Variants in BAALC observed in about 807,000 individuals in gnomAD.
The protein encoded by BAALC is BAALC binder of MAP3K1 and KLF4, also known as brain and acute leukemia cytoplasmic protein.
A neutral mutation model predicts 15.5 loss-of-function variants in BAALC; 9 were observed. The ratio of observed to expected loss-of-function variants is 0.58; its 90% CI spans 0.35 to 1.02. The LOEUF is 1.02. Ranked by LOEUF, BAALC falls within the 50% of genes least tolerant of loss-of-function variation. The pLI is 0.02. For missense variants in BAALC, 201 were observed against 192.4 expected, an observed-to-expected ratio of 1.04 and a Z score of -0.27; for synonymous variants, 80 against 74.6, an observed-to-expected ratio of 1.07 and a Z score of -0.37.
At chr8:103,215,155 C>T (rs1563656335) in intron 2 of BAALC, among the ~76,000 whole-genome samples, 1 of 152,030 alleles carries the variant, frequency 6.6e-6, no homozygotes, top group Non-Finnish European at 1.5e-5. Context: ...TCATTTCCTG[C>T]CCCCCCATCC....
intron 1 of BAALC, among the ~76,000 whole-genome samples, chr8:103,175,621 T>A (rs1363396151): frequency 6.6e-6 from 1 of 152,240 alleles, no homozygotes; most frequent in African/African-American, 2.4e-5. Flanking sequence ...GCAAGGGAGT[T>A]GAATTTGAAG....
At chr8:103,172,554 A>G (rs552001740) in intron 1 of BAALC, among the ~76,000 whole-genome samples, 17 of 151,954 alleles carry the variant, frequency 1.1e-4, no homozygotes, top group African/African-American at 4.1e-4. Flanking sequence ...GGCACCCACC[A>G]CCATGACTGG....
chr8:103,194,214 A>G (rs1360575109), intron 1 of BAALC, among the ~76,000 whole-genome samples: 1 of 152,108 alleles, frequency 6.6e-6, no homozygotes, highest in Non-Finnish European at 1.5e-5. Context: ...AATCAACTTA[A>G]TGTTTCTCTT....
chr8:103,141,163 G>T lies in BAALC; in HGVS notation c.160+106G>T. ...TCCCTGAGGAATTGATGGCGCGGCG[G>T]GGGTGGCTGGGAGGAAGCAGAGGCA... On this transcript the variant is annotated intron_variant, in intron 1 of 2. Coordinates refer to ENST00000309982, the MANE Select transcript of BAALC (RefSeq NM_024812.3). 3.9e-6 allele frequency: 5 copies of T among 1,280,068 alleles called. No individual in the cohort carries two copies. In the South Asian group the frequency reaches 7.3e-5, roughly 19 times the overall value. The allele number at this position is 1,280,068 out of a possible 1,614,324, so 79.3% of individuals were successfully genotyped here. A position where few individuals can be genotyped will look rare whatever the true frequency, so the allele number is the denominator to read the frequency against.
chr8:103,198,391 C>A (rs1032244040), intron 1 of BAALC, among the ~76,000 whole-genome samples: 3 of 152,056 alleles, frequency 2.0e-5, no homozygotes, highest in East Asian at 3.9e-4. Context: ...TCTTAAAAAT[C>A]ATTCTTATTT....
intron 1 of BAALC, among the ~76,000 whole-genome samples, chr8:103,198,557 T>C (rs922209011): frequency 6.6e-6 from 1 of 152,096 alleles, no homozygotes; most frequent in South Asian, 2.1e-4. Context: ...TATATGTGTG[T>C]GTATGTATCC....
rs989054260 is a variant in BAALC at position 103,229,668 on chromosome 8, C to G, written c.*1569C>G. 5 of 152,134 alleles carry G rather than the reference C, an allele frequency of 3.3e-5. No homozygotes were observed. The highest frequency in any genetic ancestry group is 1.2e-4 in the African/African-American group (5 of 41,416). The allele number at this position is 152,134 out of a possible 1,614,324, so 9.4% of individuals were successfully genotyped here. A position where few individuals can be genotyped will look rare whatever the true frequency, so the allele number is the denominator to read the frequency against. Reference sequence around the variant, plus strand: ...GACCCTTAAGGTATAGTGTGTGTTGCAAATCACTCTGCAATGGAAACTTTT... The same window carrying G: ...GACCCTTAAGGTATAGTGTGTGTTGGAAATCACTCTGCAATGGAAACTTTT... On this transcript the variant is annotated 3_prime_UTR_variant, in exon 3 of 3. Coordinates refer to ENST00000309982, the MANE Select transcript of BAALC (RefSeq NM_024812.3).
At chr8:103,218,088 G>A (rs1426455946) in intron 2 of BAALC, among the ~76,000 whole-genome samples, 2 of 152,170 alleles carry the variant, frequency 1.3e-5, no homozygotes, top group South Asian at 4.1e-4. Flanking sequence ...TTTCCAAAGG[G>A]TGATGGGGCA....
intron 1 of BAALC, among the ~76,000 whole-genome samples, chr8:103,185,593 G>C (rs1267107282): frequency 6.6e-6 from 1 of 152,112 alleles, no homozygotes; most frequent in Non-Finnish European, 1.5e-5. Context: ...TAACATATGG[G>C]GCTCTGCCCC....
intron 2 of BAALC, among the ~76,000 whole-genome samples, chr8:103,224,060 T>C (rs1455580787): frequency 6.6e-6 from 1 of 152,196 alleles, no homozygotes; most frequent in Non-Finnish European, 1.5e-5. Flanking sequence ...CTGCCTTCTT[T>C]TCCTTCACAA....
intron 1 of BAALC, among the ~76,000 whole-genome samples, chr8:103,179,996 G>A (rs1052047452): frequency 6.6e-6 from 1 of 152,206 alleles, no homozygotes; most frequent in Non-Finnish European, 1.5e-5. Context: ...GGGAATGTGA[G>A]GCCCAAAAGT....
intron 1 of BAALC, among the ~76,000 whole-genome samples, chr8:103,211,396 A>G (rs1451281272): frequency 2.0e-5 from 3 of 152,084 alleles, no homozygotes; most frequent in Non-Finnish European, 4.4e-5. Flanking sequence ...TTTTCTTTCA[A>G]CATTTAAGAT....
At chr8:103,147,970 C>T (rs1323921336) in intron 1 of BAALC, among the ~76,000 whole-genome samples, 2 of 152,200 alleles carry the variant, frequency 1.3e-5, no homozygotes, top group African/African-American at 2.4e-5. Context: ...GTCTCATGCC[C>T]AACCACAGCC....
intron 1 of BAALC, among the ~76,000 whole-genome samples, chr8:103,149,505 G>A (rs561537262): frequency 6.6e-6 from 1 of 152,170 alleles, no homozygotes; most frequent in Non-Finnish European, 1.5e-5. Context: ...GGAAAATAAT[G>A]CCTCTCTCAG....
chr8:103,150,673 C>G (rs1810967096), intron 1 of BAALC, among the ~76,000 whole-genome samples: 1 of 152,224 alleles, frequency 6.6e-6, no homozygotes, highest in South Asian at 2.1e-4. Flanking sequence ...CCAGTCTTCA[C>G]TTGTGGTGAT....
At chr8:103,198,060 G>T in intron 1 of BAALC, 1 of 687,828 alleles carries the variant, frequency 1.5e-6, no homozygotes, top group South Asian at 1.6e-5. Context: ...AGTTTCTTAC[G>T]AACAACTATA....
intron 1 of BAALC, among the ~76,000 whole-genome samples, chr8:103,188,768 A>C (rs906818081): frequency 1.3e-5 from 2 of 152,236 alleles, no homozygotes; most frequent in Admixed American, 1.3e-4. Context: ...TTGCTCGATA[A>C]CATGCCAAGA....
At chr8:103,183,583 A>T (rs191990832) in intron 1 of BAALC, 66 of 634,336 alleles carry the variant, frequency 1.0e-4, no homozygotes, top group Admixed American at 5.3e-4. Flanking sequence ...GTCATGAAGC[A>T]TATTTTCCGG....
At chr8:103,158,711 T>TACAC (rs2129896740) in intron 1 of BAALC, among the ~76,000 whole-genome samples, 1 of 151,978 alleles carries the variant, frequency 6.6e-6, no homozygotes, top group Non-Finnish European at 1.5e-5. Context: ...CATACATACA[T>TACAC]ACACATCCCA....
Sources: allele counts gnomAD v4.1 joint callset (sites outside exome capture counted in the v4.1 genomes callset), GRCh38; gene constraint gnomAD v4.1.1; transcripts MANE v1.5; gene names NCBI Gene and HGNC (gene_info 2026-07-23, HGNC 2026-07-21).